Variants in DISP1 observed in about 807,000 individuals in gnomAD.
DISP1 encodes protein dispatched homolog 1.
Under a neutral mutation model 37.3 loss-of-function variants are expected in DISP1, and 30 were observed. That is an observed-to-expected ratio of 0.80 (90% CI 0.60 to 1.09). The LOEUF is 1.09. Ranked by LOEUF, DISP1 falls within the 50% of genes least tolerant of loss-of-function variation. The probability of loss-of-function intolerance (pLI) is 0.00; values close to 1 mark genes in which losing one functional copy is unlikely to be tolerated. For synonymous variants in DISP1, 634 were observed against 690.2 expected (o/e 0.92, Z 1.28); for missense variants, 1,598 against 1,879.5 (o/e 0.85, Z 2.77).
At chr1:222,972,828 C>A (rs1024090891) in intron 3 of DISP1, among the ~76,000 whole-genome samples, 10 of 152,080 alleles carry the variant, frequency 6.6e-5, no homozygotes, top group Admixed American at 5.9e-4. Flanking sequence ...GTCTGGAGGT[C>A]ATATTTTCCT....
chr1:222,994,481 G>C (rs1678920553), intron 7 of DISP1, among the ~76,000 whole-genome samples: 1 of 152,118 alleles, frequency 6.6e-6, no homozygotes, highest in Non-Finnish European at 1.5e-5. Flanking sequence ...TTAGCTGCCA[G>C]GGAGAACATC....
intron 3 of DISP1, among the ~76,000 whole-genome samples, chr1:222,959,149 G>T (rs749209871): frequency 6.6e-6 from 1 of 152,046 alleles, no homozygotes; most frequent in Non-Finnish European, 1.5e-5. Context: ...TGAGTATAAA[G>T]AATTTTTTAA....
intron 1 of DISP1, among the ~76,000 whole-genome samples, chr1:222,883,628 T>C (rs1395420934): frequency 6.6e-6 from 1 of 152,066 alleles, no homozygotes; most frequent in African/African-American, 2.4e-5. Flanking sequence ...AATAAATAAA[T>C]AAATAAAGAT....
intron 1 of DISP1, among the ~76,000 whole-genome samples, chr1:222,919,810 A>G (rs1162553756): frequency 6.6e-6 from 1 of 152,232 alleles, no homozygotes; most frequent in Non-Finnish European, 1.5e-5. Context: ...GAGCTTGGGT[A>G]GCTTAAGGTT....
rs1218170633 is a variant in DISP1, at chr1:223,004,871, G to A, written c.3474G>A (p.Leu1158=). 4 of 1,608,836 alleles carry A rather than the reference G, an allele frequency of 2.5e-6. No homozygotes were observed. The highest frequency in any genetic ancestry group is 1.7e-5 in the Admixed American group (1 of 59,996). Residue 1158 remains leucine, a synonymous_variant, in exon 9 of 9, where the codon TTG becomes TTA. Transcript: ENST00000675850. This position sits in a 1 kb window ranked among gnomAD's most constrained non-coding sequence, Gnocchi z 4.9. The part of the protein sequence containing the change: ...KLQCSAFSHA[L]STSPSDKGQS... ...AGTGCAGTGCCTTTTCCCATGCCTT[G>A]TCTACAAGTCCCAGTGACAAGGGAC...
chr1:222,846,384 G>A (rs890709977), intron 1 of DISP1, among the ~76,000 whole-genome samples: 1 of 152,142 alleles, frequency 6.6e-6, no homozygotes, highest in Admixed American at 6.5e-5. Context: ...CCAGGTACTC[G>A]GGAGGCTGAG....
At chr1:222,895,728 A>G (rs1338076573) in intron 1 of DISP1, among the ~76,000 whole-genome samples, 2 of 152,222 alleles carry the variant, frequency 1.3e-5, no homozygotes, top group African/African-American at 4.8e-5. Context: ...TTTTCCACAT[A>G]TGATGGGTTA....
At chr1:222,964,731 C>A (rs188012538) in intron 3 of DISP1, among the ~76,000 whole-genome samples, 107 of 152,340 alleles carry the variant, frequency 7.0e-4, no homozygotes, top group Admixed American at 1.4e-3. Flanking sequence ...TACTTTAACA[C>A]CTTACCTGGT....
At chr1:222,904,641 C>T (rs1328916046) in intron 1 of DISP1, among the ~76,000 whole-genome samples, 1 of 150,944 alleles carries the variant, frequency 6.6e-6, no homozygotes, top group Non-Finnish European at 1.5e-5. Flanking sequence ...GGTCTCGGCT[C>T]ACTGCATCCT....
chr1:222,857,960 G>T (rs1051461189), intron 1 of DISP1, among the ~76,000 whole-genome samples: 3 of 152,056 alleles, frequency 2.0e-5, no homozygotes, highest in African/African-American at 7.2e-5. Context: ...CAAAAAAGAG[G>T]TCATGTAGCC....
At position 222,848,587 on chromosome 1, in the gene DISP1, G is replaced by C. The variant is rs574746448; in HGVS notation, c.-159+33509G>C. Among the ~76,000 whole-genome samples the C allele has an allele frequency of 1.2e-4, 18 of 152,230 alleles. No homozygotes were observed. In the South Asian group the frequency reaches 3.7e-3, roughly 32 times the overall value. ...TAAAGTTAAGCTATTTAGACTTACA[G>C]ATGTCCTGGATTGCAGGCTCTTTGA... On this transcript the variant is annotated intron_variant, in intron 1 of 8. Transcript: ENST00000675850.
intron 1 of DISP1, among the ~76,000 whole-genome samples, chr1:222,904,574 AT>A (rs1228587998): frequency 2.7e-4 from 33 of 121,212 alleles, no homozygotes; most frequent in East Asian, 1.0e-3. Flanking sequence ...TTTTTATTTT[AT>A]TTTTTTTTTT....
intron 1 of DISP1, among the ~76,000 whole-genome samples, chr1:222,891,574 C>CA (rs996183954): frequency 1.1e-4 from 17 of 150,716 alleles, no homozygotes; most frequent in African/African-American, 2.9e-4. Flanking sequence ...AAAAAGCCAA[C>CA]AAAAAAAACA....
chr1:222,975,346 T>G (rs73130634), intron 3 of DISP1, among the ~76,000 whole-genome samples: 2,394 of 152,228 alleles, frequency 0.016, 60 homozygotes, highest in African/African-American at 0.053. Flanking sequence ...CTTTGTAAGT[T>G]GTGGTGTTAA....
intron 3 of DISP1, among the ~76,000 whole-genome samples, chr1:222,956,779 A>C (rs1278580876): frequency 2.6e-5 from 4 of 152,090 alleles, no homozygotes; most frequent in Non-Finnish European, 5.9e-5. Context: ...AAGTTTAATA[A>C]GATTTTTCTG....
At chr1:222,851,039 AT>A (rs1668200127) in intron 1 of DISP1, among the ~76,000 whole-genome samples, 1 of 150,000 alleles carries the variant, frequency 6.7e-6, no homozygotes, top group Admixed American at 6.6e-5. Flanking sequence ...ATTATATAAA[AT>A]TTTATGAATA....
intron 7 of DISP1, 63 bp from the exon 8 acceptor site, chr1:222,994,822 T>C: frequency 8.3e-7 from 1 of 1,210,238 alleles, no homozygotes; most frequent in East Asian, 2.3e-5. Flanking sequence ...AAATCCTGAG[T>C]CTTATGAAAT....
At chr1:222,843,566 G>A (rs549581241) in intron 1 of DISP1, among the ~76,000 whole-genome samples, 2 of 151,540 alleles carry the variant, frequency 1.3e-5, no homozygotes, top group South Asian at 2.1e-4. Context: ...TGAAGGATGG[G>A]GGGGGGAAAT....
chr1:222,876,103 G>T (rs1362138831), intron 1 of DISP1, among the ~76,000 whole-genome samples: 1 of 152,068 alleles, frequency 6.6e-6, no homozygotes, highest in Non-Finnish European at 1.5e-5. Context: ...TTGTCATGAG[G>T]TTTAAAAGGT....
Sources: allele counts gnomAD v4.1 joint callset (sites outside exome capture counted in the v4.1 genomes callset), GRCh38; gene constraint gnomAD v4.1.1; non-coding constraint Gnocchi (gnomAD v3.1); transcripts MANE v1.5; gene names NCBI Gene and HGNC (gene_info 2026-07-23, HGNC 2026-07-21).